Variants in GFRA3 observed in about 807,000 individuals in gnomAD.
GFRA3 encodes GDNF family receptor alpha 3, also known as GDNF family receptor alpha-3.
GFRA3 carries 24 observed loss-of-function variants against 40.0 expected under a neutral mutation model. The observed-to-expected ratio is 0.60, with a 90% CI of 0.43 to 0.84. The LOEUF is 0.84. Among genes scored for constraint, GFRA3 ranks in the 40% least tolerant of loss-of-function variants. The probability of loss-of-function intolerance (pLI) is 0.00; values close to 1 mark genes in which losing one functional copy is unlikely to be tolerated. For missense variants in GFRA3, 405 were observed against 530.6 expected (o/e 0.76, Z 2.33); for synonymous variants, 203 against 213.5 (o/e 0.95, Z 0.43).
chr5:138,253,394 G>C lies in GFRA3; in HGVS notation c.1025-19C>G. The stretch of plus-strand genomic sequence containing the variant: ...GCCTCCGCTGAAGAGAGGAGAGAAG[G>C]CTCATTGGAAGGGTATGGGGGCAGG... On this transcript the variant is annotated intron_variant, in intron 6 of 7. Coordinates refer to ENST00000274721, the MANE Select transcript of GFRA3 (RefSeq NM_001496.4). 2 of 1,490,610 alleles carry C rather than the reference G, an allele frequency of 1.3e-6. No homozygotes were observed. Among genetic ancestry groups the C allele is most frequent in the Non-Finnish European group, 1.9e-6 (2 of 1,079,508 alleles). The allele number at this position is 1,490,610 out of a possible 1,614,324, so 92.3% of individuals were successfully genotyped here.
chr5:138,257,089 G>C (rs1476890346), intron 4 of GFRA3, among the ~76,000 whole-genome samples: 1 of 152,160 alleles, frequency 6.6e-6, no homozygotes, highest in African/African-American at 2.4e-5. Flanking sequence ...CATGAGGTCT[G>C]CATTATTATC....
At position 138,274,480 on chromosome 5, in the gene GFRA3, A is replaced by G. The variant is rs542690517; in HGVS notation, c.-56T>C. The stretch of plus-strand genomic sequence containing the variant: ...CCCTCGCTCCTCCCCTGGAGCTCTG[A>G]GAGCGGGGCTCCCTCGACCGGCACC... On this transcript the variant is annotated 5_prime_UTR_variant, in exon 1 of 8. Coordinates refer to ENST00000274721, the MANE Select transcript of GFRA3 (RefSeq NM_001496.4). 1,154 of 1,251,876 alleles carry G rather than the reference A, an allele frequency of 9.2e-4. 1 individual carries two copies. Among genetic ancestry groups the G allele is most frequent in the Admixed American group, 1.4e-3 (33 of 23,866 alleles). 77.5% of individuals were successfully genotyped at this position (1,251,876 alleles called of 1,614,324 possible).
At chr5:138,256,409 T>C (rs1755629606) in intron 4 of GFRA3, among the ~76,000 whole-genome samples, 1 of 150,894 alleles carries the variant, frequency 6.6e-6, no homozygotes, top group African/African-American at 2.4e-5. Flanking sequence ...ATGCCTGTAG[T>C]CCCAGCTACT....
At chr5:138,259,335 C>G (rs970204202) in intron 3 of GFRA3, among the ~76,000 whole-genome samples, 2 of 152,224 alleles carry the variant, frequency 1.3e-5, no homozygotes, top group Admixed American at 6.5e-5. Context: ...CTAATGGGCT[C>G]TCTTCAAATG....
At chr5:138,259,836 C>T (rs973234949) in intron 2 of GFRA3, among the ~76,000 whole-genome samples, 187 bp from the exon 3 acceptor site, 1 of 152,096 alleles carries the variant, frequency 6.6e-6, no homozygotes, top group Non-Finnish European at 1.5e-5. Flanking sequence ...CTGGGCTCCA[C>T]CAATAAGCCA....
chr5:138,265,157 T>C (rs1348822701), intron 1 of GFRA3, among the ~76,000 whole-genome samples: 8 of 146,946 alleles, frequency 5.4e-5, no homozygotes, highest in Non-Finnish European at 7.5e-5. Flanking sequence ...CATGGGGTAA[T>C]AGAACATCAT....
In GFRA3 at chr5:138,257,614, C is replaced by T. The variant is rs1335509294; in HGVS notation, c.785+25G>A. On this transcript the variant is annotated intron_variant, in intron 4 of 7. Coordinates refer to ENST00000274721, the MANE Select transcript of GFRA3 (RefSeq NM_001496.4). Reference sequence around the variant, plus strand: ...GAGTGGCGTGTGCCTCATCCCTGCCCACCCTGTCCTCCCAAACTACACACC... The same window carrying T: ...GAGTGGCGTGTGCCTCATCCCTGCCTACCCTGTCCTCCCAAACTACACACC... The T allele has an allele frequency of 1.9e-6, 3 of 1,589,794 alleles. No homozygotes were observed. The East Asian group carries it at 6.8e-5, about 36-fold the overall frequency.
chr5:138,253,094 T>A, intron 7 of GFRA3, 37 bp from the exon 8 acceptor site: 1 of 1,220,864 alleles, frequency 8.2e-7, no homozygotes. Context: ...CTCAGGGGAT[T>A]TTCTTTAGCC....
intron 2 of GFRA3, among the ~76,000 whole-genome samples, chr5:138,261,061 G>A (rs1328429639): frequency 1.3e-4 from 20 of 152,122 alleles, no homozygotes; most frequent in Admixed American, 1.3e-3. Flanking sequence ...ACCTAGAAGT[G>A]GAGCGCTACA....
At chr5:138,265,698 C>T (rs1242309054) in intron 1 of GFRA3, among the ~76,000 whole-genome samples, 10 of 151,852 alleles carry the variant, frequency 6.6e-5, no homozygotes, top group African/African-American at 2.4e-4. Context: ...TCTCCTTCTT[C>T]TCCTTTTTCT....
At chr5:138,255,085 GAGAA>G (rs1755608415) in intron 4 of GFRA3, among the ~76,000 whole-genome samples, 2 of 150,724 alleles carry the variant, frequency 1.3e-5, no homozygotes, top group South Asian at 2.1e-4. Flanking sequence ...GAGAGAAGAA[GAGAA>G]AGAGAGAGGA....
intron 3 of GFRA3, among the ~76,000 whole-genome samples, chr5:138,258,300 C>T (rs1409638800): frequency 6.7e-6 from 1 of 150,352 alleles, no homozygotes; most frequent in African/African-American, 2.4e-5. Flanking sequence ...CCTGCCTCAG[C>T]CTCCCGAGTA....
intron 1 of GFRA3, among the ~76,000 whole-genome samples, chr5:138,266,532 T>C (rs1314814499): frequency 1.3e-5 from 2 of 152,222 alleles, no homozygotes; most frequent in African/African-American, 4.8e-5. Context: ...CAAAAATGTA[T>C]AGCTCAATGA....
intron 6 of GFRA3, among the ~76,000 whole-genome samples, 190 bp downstream of exon 6, chr5:138,253,576 C>T (rs757320683): frequency 1.3e-5 from 2 of 152,078 alleles, no homozygotes; most frequent in East Asian, 1.9e-4. Flanking sequence ...GAACAGGCAG[C>T]GTGGGAGGTT....
Position 138,257,834 on chromosome 5 carries a change from A to G in GFRA3, c.590T>C (p.Leu197Pro), listed in dbSNP as rs1288898885. The G allele has an allele frequency of 6.2e-7, 1 of 1,613,828 alleles. No individual in the cohort carries two copies. ...CTCGAAGAAAGTGAGCAGCTGCCTG[A>G]GGCAGACGTGGCGCTGGCAGTGGGG... ...SGPHCQRHVC[L>P]RQLLTFFEKA... Residue 197 changes from leucine (L) to proline (P), a missense_variant, in exon 4 of 8, where the codon CTC (leucine) becomes CCC (proline). Leu to Pro is a moderately conservative substitution (Grantham distance 98, BLOSUM62 -3). Coordinates refer to ENST00000274721, the MANE Select transcript of GFRA3 (RefSeq NM_001496.4).
rs185151169 is a variant in GFRA3, at chr5:138,268,396, C to T, written c.92-3848G>A. Among the ~76,000 whole-genome samples the T allele has an allele frequency of 1.0e-4, 13 of 130,540 alleles. No homozygotes were observed. The East Asian group carries it at 2.6e-3, about 26-fold the overall frequency. 85.6% of individuals were successfully genotyped at this position (130,540 alleles called of 152,430 possible). Reference sequence around the variant, plus strand: ...TACGCAAAGATTTCATGACCAAAACCCAAAAGCAAATGCAAAAAAAAAAAA... The same window carrying T: ...TACGCAAAGATTTCATGACCAAAACTCAAAAGCAAATGCAAAAAAAAAAAA... On this transcript the variant is annotated intron_variant, in intron 1 of 7. Coordinates refer to ENST00000274721, the MANE Select transcript of GFRA3 (RefSeq NM_001496.4).
At chr5:138,253,222 C>A (rs1390056384) in intron 7 of GFRA3, 65 bp downstream of exon 7, 3 of 1,100,198 alleles carry the variant, frequency 2.7e-6, no homozygotes, top group African/African-American at 1.5e-5. Context: ...CCTTTGTCTG[C>A]CTAGTTTGGG....
At chr5:138,253,406 G>A in intron 6 of GFRA3, 31 bp from the exon 7 acceptor site, 1 of 1,354,600 alleles carries the variant, frequency 7.4e-7, no homozygotes, top group Middle Eastern at 1.8e-4. Context: ...TCATTGGAAG[G>A]GTATGGGGGC....
At chr5:138,257,338 A>G (rs1755646133) in intron 4 of GFRA3, among the ~76,000 whole-genome samples, 1 of 152,258 alleles carries the variant, frequency 6.6e-6, no homozygotes, top group South Asian at 2.1e-4. Context: ...TTATCTGGAT[A>G]GAAAATGACT....
Sources: allele counts gnomAD v4.1 joint callset (sites outside exome capture counted in the v4.1 genomes callset), GRCh38; gene constraint gnomAD v4.1.1; transcripts MANE v1.5; gene names NCBI Gene and HGNC (gene_info 2026-07-23, HGNC 2026-07-21).